WHAMM: variants seen among roughly 807,000 people sequenced by gnomAD.
The protein encoded by WHAMM is WASP homolog-associated protein with actin, membranes and microtubules.
Under a neutral mutation model 76.5 loss-of-function variants are expected in WHAMM, and 67 were observed. The observed-to-expected ratio is 0.88, with a 90% CI of 0.72 to 1.07. The LOEUF is 1.07. Among genes scored for constraint, WHAMM ranks in the 50% least tolerant of loss-of-function variants. The pLI is 0.00. For synonymous variants in WHAMM, 419 were observed against 422.1 expected (o/e 0.99, Z 0.09); for missense variants, 1,021 against 1,051.1 (o/e 0.97, Z 0.40).
chr15:82,819,624 A>G (rs942849661), intron 5 of WHAMM, 136 bp downstream of exon 5: 5 of 462,920 alleles, frequency 1.1e-5, no homozygotes, highest in Admixed American at 4.8e-5. Context: ...TATTATTCAA[A>G]TAATATATTC....
intron 2 of WHAMM, among the ~76,000 whole-genome samples, chr15:82,814,128 T>TC (rs1201899878): frequency 1.3e-5 from 2 of 152,192 alleles, no homozygotes; most frequent in East Asian, 3.8e-4. Flanking sequence ...CATTGAGCCA[T>TC]CAGACAACCC....
intron 6 of WHAMM, 111 bp downstream of exon 6, chr15:82,823,398 G>A: frequency 2.1e-6 from 2 of 935,238 alleles, no homozygotes; most frequent in South Asian, 5.4e-5. Flanking sequence ...ATTACATTTT[G>A]TGTGCTTATG....
Position 82,810,011 on chromosome 15 carries a change from G to A in WHAMM, c.285G>A (p.Ala95=), listed in dbSNP as rs2151553800. The A allele has an allele frequency of 7.9e-7, 1 of 1,262,110 alleles. No homozygotes were observed. The highest frequency in any genetic ancestry group is 3.3e-5 in the East Asian group (1 of 30,006). The allele number at this position is 1,262,110 out of a possible 1,614,324, so 78.2% of individuals were successfully genotyped here. ...TCCGCGGCGCGCACCGGCAGTTGGC[G>A]GCGCTGTGGCCGCCTCTGGAGCGCT... ...AGLRGAHRQL[A]ALWPPLERCF... is the part of the protein sequence containing the mutation. Residue 95 remains alanine, a synonymous_variant, in exon 1 of 10, where the codon GCG becomes GCA. Coordinates refer to ENST00000286760, the MANE Select transcript of WHAMM (RefSeq NM_001080435.3).
At chr15:82,825,128 T>C (rs947562281) in intron 6 of WHAMM, among the ~76,000 whole-genome samples, 10 of 152,056 alleles carry the variant, frequency 6.6e-5, no homozygotes, top group African/African-American at 2.4e-4. Flanking sequence ...CTGTCTCTAA[T>C]AAAAAAATAA....
chr15:82,830,079 G>T (rs988410001), intron 8 of WHAMM, among the ~76,000 whole-genome samples: 1 of 152,082 alleles, frequency 6.6e-6, no homozygotes, highest in Non-Finnish European at 1.5e-5. Flanking sequence ...ATTTTTCATA[G>T]AACTTTTCTC....
In WHAMM at chr15:82,818,066, A is replaced by G. The variant is rs2151561973; in HGVS notation, c.1081A>G (p.Lys361Glu). The G allele has an allele frequency of 6.4e-7, 1 of 1,550,926 alleles. No homozygotes were observed. ...MRAKELCLNH[K>E]RAEIQGKMED... ...AGCGAAAGAGTTGTGTTTAAATCACAAAAGAGCTGAAATTCAGGGAAAGGT... is the reference window on the plus strand; with the variant it reads ...AGCGAAAGAGTTGTGTTTAAATCACGAAAGAGCTGAAATTCAGGGAAAGGT... The change falls in exon 4 of 10, where the codon AAA becomes GAA. Residue 361 changes from lysine to glutamate, a missense_variant. Coordinates refer to ENST00000286760, the MANE Select transcript of WHAMM (RefSeq NM_001080435.3).
At chr15:82,832,356 C>T (rs1387127456) in intron 9 of WHAMM, among the ~76,000 whole-genome samples, 1 of 152,208 alleles carries the variant, frequency 6.6e-6, no homozygotes, top group Non-Finnish European at 1.5e-5. Context: ...ACAGCACGGC[C>T]TTTCAATCCT....
chr15:82,834,074 G>C lies in WHAMM; in HGVS notation c.*538G>C, dbSNP rs1483489666. 1 of 153,330 alleles carries C rather than the reference G, an allele frequency of 6.5e-6. No individual in the cohort carries two copies. Among genetic ancestry groups the C allele is most frequent in the African/African-American group, 2.5e-5 (1 of 40,768 alleles). 9.5% of individuals were successfully genotyped at this position (153,330 alleles called of 1,614,324 possible). A position where few individuals can be genotyped will look rare whatever the true frequency, so the allele number is the denominator to read the frequency against. On this transcript the variant is annotated 3_prime_UTR_variant, in exon 10 of 10. Coordinates refer to ENST00000286760, the MANE Select transcript of WHAMM (RefSeq NM_001080435.3). ...CTTTCTTTTGAGACAGAATCTCTCT[G>C]TCATCCAGGCTAGAGTGCAGTGGCA...
chr15:82,823,038 A>C (rs2050861743), intron 5 of WHAMM, 62 bp from the exon 6 acceptor site: 3 of 1,250,690 alleles, frequency 2.4e-6, no homozygotes, highest in Non-Finnish European at 3.1e-6. Context: ...ACATTTAAAA[A>C]AATTCAATGC....
chr15:82,826,354 A>C (rs1754942270), intron 6 of WHAMM, 56 bp from the exon 7 acceptor site: 2 of 1,574,462 alleles, frequency 1.3e-6, no homozygotes, highest in South Asian at 2.2e-5. Context: ...TTAATCTTTT[A>C]TGCTATACCA....
intron 2 of WHAMM, among the ~76,000 whole-genome samples, chr15:82,814,292 T>C (rs139407959): frequency 1.8e-3 from 281 of 152,318 alleles, no homozygotes; most frequent in African/African-American, 6.6e-3. Flanking sequence ...GGGCCATCTT[T>C]CCACATATAA....
Position 82,833,303 on chromosome 15 carries a change from C to T in WHAMM, c.2197C>T (p.Arg733Cys), listed in dbSNP as rs773987785. Residue 733 changes from arginine to cysteine, a missense_variant, in exon 10 of 10, where the codon CGC becomes TGC. Arg to Cys is a radical substitution (Grantham distance 180). Coordinates refer to ENST00000286760, the MANE Select transcript of WHAMM (RefSeq NM_001080435.3). ...CCGGAAGGTGGAAGTGCCGGCGGTG[C>T]GCCCTCCCCACGCCTCAATCAATGA... ...PLRKVEVPAV[R>C]PPHASINEHI... The T allele has an allele frequency of 4.6e-5, 75 of 1,613,918 alleles. No homozygotes were observed. The Middle Eastern group carries it at 1.8e-3, about 39-fold the overall frequency.
At chr15:82,817,371 G>T (rs1371186182) in intron 3 of WHAMM, among the ~76,000 whole-genome samples, 1 of 152,202 alleles carries the variant, frequency 6.6e-6, no homozygotes, top group Non-Finnish European at 1.5e-5. Flanking sequence ...AGACCATGCA[G>T]GGGCTTGTGG....
rs1250103447 is a variant in WHAMM, at chr15:82,834,887, T to C, written c.*1351T>C. 1 of 152,174 alleles carries C rather than the reference T, an allele frequency of 6.6e-6. No homozygotes were observed. The highest frequency in any genetic ancestry group is 2.4e-5 in the African/African-American group (1 of 41,442). The allele number at this position is 152,174 out of a possible 1,614,324, so 9.4% of individuals were successfully genotyped here. A position where few individuals can be genotyped will look rare whatever the true frequency, so the allele number is the denominator to read the frequency against. ...GGATGGAGCAATAGTGTTATTTTCC[T>C]CAGGAACTGAAGTCTCATGCTGAAG... On this transcript the variant is annotated 3_prime_UTR_variant, in exon 10 of 10. Transcript: ENST00000286760.
intron 9 of WHAMM, among the ~76,000 whole-genome samples, chr15:82,832,999 A>G (rs2051056790): frequency 1.3e-5 from 2 of 152,232 alleles, no homozygotes; most frequent in Non-Finnish European, 2.9e-5. Context: ...ATGGATTTGA[A>G]GAAGTTAGCA....
chr15:82,810,286 A>G lies in WHAMM; in HGVS notation c.560A>G (p.Glu187Gly). 7.3e-7 allele frequency: 1 copy of G among 1,362,226 alleles called. No homozygotes were observed. 84.4% of individuals were successfully genotyped at this position (1,362,226 alleles called of 1,614,324 possible). A position where few individuals can be genotyped will look rare whatever the true frequency, so the allele number is the denominator to read the frequency against. ...TGCGAAAGCCCGCGCGAGTTCCGGG[A>G]GCGGGCCTTGCGCGCGCGGTGGGTC... ...ADCESPREFR[E>G]RALRARWVEA... Residue 187 changes from glutamate to glycine, a missense_variant, in exon 1 of 10, where the codon GAG (glutamate) becomes GGG (glycine). Transcript: ENST00000286760.
At chr15:82,811,019 T>C (rs2050619073) in intron 1 of WHAMM, among the ~76,000 whole-genome samples, 1 of 152,188 alleles carries the variant, frequency 6.6e-6, no homozygotes, top group Admixed American at 6.5e-5. Context: ...ACCCACAGTT[T>C]ATTAAGGAGA....
At chr15:82,829,710 T>G (rs952015211) in intron 8 of WHAMM, among the ~76,000 whole-genome samples, 27 of 151,980 alleles carry the variant, frequency 1.8e-4, no homozygotes, top group African/African-American at 6.3e-4. Context: ...GGGGGGGGTG[T>G]GTGTGTGTTT....
chr15:82,833,640 A>T lies in WHAMM; in HGVS notation c.*104A>T. Reference sequence around the variant, plus strand: ...AACAGGGTGCTGATAGATGGGCCACATAACACCCCGGAAGATCAGCAGGGC... The same window carrying T: ...AACAGGGTGCTGATAGATGGGCCACTTAACACCCCGGAAGATCAGCAGGGC... On this transcript the variant is annotated 3_prime_UTR_variant, in exon 10 of 10. Coordinates refer to ENST00000286760, the MANE Select transcript of WHAMM (RefSeq NM_001080435.3). The T allele has an allele frequency of 7.9e-7, 1 of 1,272,104 alleles. No individual in the cohort carries two copies. The highest frequency in any genetic ancestry group is 1.1e-6 in the Non-Finnish European group (1 of 931,886). The allele number at this position is 1,272,104 out of a possible 1,614,324, so 78.8% of individuals were successfully genotyped here. A position where few individuals can be genotyped will look rare whatever the true frequency, so the allele number is the denominator to read the frequency against.
Sources: allele counts gnomAD v4.1 joint callset (sites outside exome capture counted in the v4.1 genomes callset), GRCh38; gene constraint gnomAD v4.1.1; transcripts MANE v1.5; gene names NCBI Gene and HGNC (gene_info 2026-07-23, HGNC 2026-07-21).